The following CNGA1 variants were observed in gnomAD, a reference collection of about 807,000 sequenced individuals.
CNGA1 encodes cyclic nucleotide gated channel subunit alpha 1.
A neutral mutation model predicts 69.7 loss-of-function variants in CNGA1; 53 were observed. The observed-to-expected ratio is 0.76, with a 90% CI of 0.61 to 0.96. CNGA1 has a LOEUF of 0.96. CNGA1 is among the 40% of genes least tolerant of loss of function. The pLI is 0.00. For missense variants in CNGA1, 739 were observed against 811.2 expected (o/e 0.91, Z 1.08); for synonymous variants, 249 against 283.5 (o/e 0.88, Z 1.22).
In CNGA1 at chr4:47,996,728, G is replaced by A. The variant is rs1578122372; in HGVS notation, c.-123+14066C>T. ...AGAGTAAGGAAAAAAAATTATTGGG[G>A]AAGAGAGTATGGTTGTACCTGAAAA... On this transcript the variant is annotated intron_variant, in intron 2 of 10. Coordinates refer to ENST00000514170, the MANE Select transcript of CNGA1 (RefSeq NM_001379270.1). Among the ~76,000 whole-genome samples, 3 of 152,200 alleles carry A rather than the reference G, an allele frequency of 2.0e-5. No individual in the cohort carries two copies. In the South Asian group the frequency reaches 6.2e-4, roughly 32 times the overall value.
At chr4:47,964,839 A>G (rs1176574570) in intron 3 of CNGA1, among the ~76,000 whole-genome samples, 1 of 152,008 alleles carries the variant, frequency 6.6e-6, no homozygotes, top group Non-Finnish European at 1.5e-5. Context: ...TACATGTTTT[A>G]TATTTGTGTT....
chr4:47,945,448 G>T (rs1739340304), intron 6 of CNGA1, among the ~76,000 whole-genome samples: 2 of 152,130 alleles, frequency 1.3e-5, no homozygotes, highest in Admixed American at 1.3e-4. Context: ...GGGGAAAAAA[G>T]AATACTTAGA....
chr4:47,985,745 C>G (rs533385741), intron 2 of CNGA1, among the ~76,000 whole-genome samples: 1 of 150,344 alleles, frequency 6.7e-6, no homozygotes, highest in South Asian at 2.1e-4. Context: ...ACACTTCCTT[C>G]GTCTATCTTC....
Position 47,989,767 on chromosome 4 carries a change from C to T in CNGA1, c.-122-8267G>A, listed in dbSNP as rs1251618691. Among the ~76,000 whole-genome samples the T allele has an allele frequency of 2.0e-5, 3 of 149,412 alleles. No homozygotes were observed. In the East Asian group the frequency reaches 5.8e-4, roughly 29 times the overall value. ...ATTGCCCAAGCAGTATACACTGAAC[C>T]CTATTTGTAGTCTTTGCTCCCTCAC... On this transcript the variant is annotated intron_variant, in intron 2 of 10. Coordinates refer to ENST00000514170, the MANE Select transcript of CNGA1 (RefSeq NM_001379270.1).
chr4:48,015,605 C>T (rs60141648), intron 1 of CNGA1, among the ~76,000 whole-genome samples: 3,071 of 152,118 alleles, frequency 0.02, 124 homozygotes, highest in African/African-American at 0.07. Context: ...CCCCACCCCT[C>T]ACCTTTTTTT....
intron 10 of CNGA1, among the ~76,000 whole-genome samples, chr4:47,939,675 T>TA (rs1738947420): frequency 6.6e-6 from 1 of 152,200 alleles, no homozygotes; most frequent in Non-Finnish European, 1.5e-5. Flanking sequence ...CAAATTCAGT[T>TA]AAATTTTAAC....
chr4:47,996,620 G>A (rs1176268928), intron 2 of CNGA1, among the ~76,000 whole-genome samples: 1 of 152,080 alleles, frequency 6.6e-6, no homozygotes, highest in Non-Finnish European at 1.5e-5. Context: ...AGTTCCTGGA[G>A]CTTATTATTA....
chr4:47,993,665 G>A (rs941776752), intron 2 of CNGA1, among the ~76,000 whole-genome samples: 2 of 150,754 alleles, frequency 1.3e-5, no homozygotes, highest in Admixed American at 6.6e-5. Flanking sequence ...CTTTTGTATT[G>A]GGGGTTCAAT....
intron 1 of CNGA1, among the ~76,000 whole-genome samples, chr4:48,015,049 G>A (rs1030872123): frequency 2.0e-5 from 3 of 151,996 alleles, no homozygotes; most frequent in Non-Finnish European, 2.9e-5. Context: ...GTGGTGGGGG[G>A]CGCCTGTAGT....
intron 2 of CNGA1, among the ~76,000 whole-genome samples, chr4:48,006,400 T>C (rs1462474285): frequency 6.6e-6 from 1 of 152,182 alleles, no homozygotes; most frequent in Non-Finnish European, 1.5e-5. Context: ...TAATTATTAC[T>C]GATAATGTAC....
At chr4:47,959,792 G>A (rs191419903) in intron 3 of CNGA1, among the ~76,000 whole-genome samples, 67 of 152,216 alleles carry the variant, frequency 4.4e-4, no homozygotes, top group Middle Eastern at 3.4e-3. Context: ...TTTTAGTAGA[G>A]TCGGGGTTTC....
chr4:47,984,860 CT>C (rs1741917198), intron 2 of CNGA1, among the ~76,000 whole-genome samples: 1 of 152,022 alleles, frequency 6.6e-6, no homozygotes, highest in African/African-American at 2.4e-5. Context: ...CAGAAAATGA[CT>C]GCCTGTTGTT....
At chr4:47,971,737 T>C (rs1226088626) in intron 3 of CNGA1, among the ~76,000 whole-genome samples, 2 of 152,062 alleles carry the variant, frequency 1.3e-5, no homozygotes, top group Non-Finnish European at 2.9e-5. Flanking sequence ...CTACTAAAAG[T>C]ACAAAAATTA....
At chr4:47,986,744 T>TA (rs1377405090) in intron 2 of CNGA1, among the ~76,000 whole-genome samples, 6 of 146,970 alleles carry the variant, frequency 4.1e-5, no homozygotes, top group Admixed American at 6.8e-5. Flanking sequence ...AACAAAAAAA[T>TA]AAAAAAAAGA....
intron 10 of CNGA1, among the ~76,000 whole-genome samples, chr4:47,938,512 C>T (rs977318289): frequency 6.6e-6 from 1 of 152,012 alleles, no homozygotes; most frequent in Non-Finnish European, 1.5e-5. Flanking sequence ...TCTGCCTCAG[C>T]CTCCTGAGTA....
At chr4:48,005,899 A>C (rs1344725535) in intron 2 of CNGA1, among the ~76,000 whole-genome samples, 1 of 152,274 alleles carries the variant, frequency 6.6e-6, no homozygotes, top group African/African-American at 2.4e-5. Flanking sequence ...TCGTAAGTTA[A>C]GAATACTCAC....
intron 3 of CNGA1, among the ~76,000 whole-genome samples, chr4:47,969,403 C>T (rs959843164): frequency 6.6e-6 from 1 of 152,020 alleles, no homozygotes; most frequent in Admixed American, 6.6e-5. Flanking sequence ...GAAACTGATT[C>T]GGAGACTGGG....
chr4:47,937,007 T>G lies in CNGA1; in HGVS notation c.1475A>C (p.Gln492Pro), dbSNP rs1738695098. 2 of 1,614,186 alleles carry G rather than the reference T, an allele frequency of 1.2e-6. No homozygotes were observed. Among genetic ancestry groups the G allele is most frequent in the South Asian group, 1.1e-5 (1 of 91,084 alleles). ...GLLVELVLKL[Q>P]PQVYSPGDYI... ...ATCTCCAGGACTGTAGACTTGGGGT[T>G]GCAATTTCAAGACCAACTCCACCAA... Residue 492 changes from glutamine to proline, a missense_variant, in exon 11 of 11, where the codon CAA (glutamine) becomes CCA (proline). Physicochemically the swap from Gln to Pro is moderately conservative, Grantham distance 76 (BLOSUM62 -1). Transcript: ENST00000514170.
chr4:47,986,657 G>A (rs1415457523), intron 2 of CNGA1, among the ~76,000 whole-genome samples: 3 of 151,908 alleles, frequency 2.0e-5, no homozygotes, highest in Admixed American at 6.6e-5. Flanking sequence ...GAGTATCTAC[G>A]GTGTGCTGGG....
Sources: gnomAD v4.1 joint callset for allele counts (sites outside exome capture counted in the v4.1 genomes callset) on GRCh38, gnomAD v4.1.1 for gene constraint, MANE v1.5 for transcripts, NCBI Gene and HGNC (gene_info 2026-07-23, HGNC 2026-07-21) for gene names.